Variants in VPS53 observed in about 807,000 individuals in gnomAD.
The protein encoded by VPS53 is vacuolar protein sorting-associated protein 53 homolog.
VPS53 carries 70 observed loss-of-function variants against 107.0 expected under a neutral mutation model. That is an observed-to-expected ratio of 0.65 (90% CI 0.54 to 0.80). The LOEUF is 0.80. VPS53 is among the 30% of genes least tolerant of loss of function. The probability of loss-of-function intolerance (pLI) is 0.00; values close to 1 mark genes in which losing one functional copy is unlikely to be tolerated. For synonymous variants in VPS53, 409 were observed against 393.3 expected (o/e 1.04, Z -0.47); for missense variants, 917 against 1,049.4 (o/e 0.87, Z 1.74).
In VPS53 at chr17:510,855, C is replaced by G. The variant is rs1907902473; in HGVS notation, c.*8273G>C. Reference sequence around the variant, plus strand: ...CTCTGGCCTCCGAGCTAGCCAGCTGCTGATCCAAAGCTCTGGATCCTTTAG... The same window carrying G: ...CTCTGGCCTCCGAGCTAGCCAGCTGGTGATCCAAAGCTCTGGATCCTTTAG... On this transcript the variant is annotated 3_prime_UTR_variant, in exon 22 of 22. Coordinates refer to ENST00000437048, the MANE Select transcript of VPS53 (RefSeq NM_001128159.3). The G allele has an allele frequency of 6.6e-6, 1 of 152,656 alleles. No individual in the cohort carries two copies. The highest frequency in any genetic ancestry group is 6.5e-5 in the Admixed American group (1 of 15,276). The allele number at this position is 152,656 out of a possible 1,614,324, so 9.5% of individuals were successfully genotyped here.
intron 17 of VPS53, among the ~76,000 whole-genome samples, chr17:541,240 A>G (rs1910614830): frequency 6.6e-6 from 1 of 152,336 alleles, no homozygotes; most frequent in African/African-American, 2.4e-5. Flanking sequence ...AGCATCTGCT[A>G]TATTTATAGG....
intron 19 of VPS53, among the ~76,000 whole-genome samples, chr17:525,677 G>C (rs1460523033): frequency 2.0e-5 from 3 of 151,692 alleles, no homozygotes; most frequent in East Asian, 3.9e-4. Context: ...CTGGGAGACA[G>C]AGTGGGACCC....
intron 5 of VPS53, chr17:657,679 T>C (rs1971247678): frequency 1.8e-6 from 1 of 554,052 alleles, no homozygotes; most frequent in Admixed American, 3.0e-5. Context: ...CAAACACAAA[T>C]ACTGTAGTCA....
At chr17:547,694 G>A (rs953503521) in intron 17 of VPS53, among the ~76,000 whole-genome samples, 2 of 152,168 alleles carry the variant, frequency 1.3e-5, no homozygotes, top group African/African-American at 4.8e-5. Flanking sequence ...CTGGAGTGCA[G>A]TGCTGCAATC....
chr17:667,496 G>T lies in VPS53; in HGVS notation c.286-5601C>A, dbSNP rs1016322542. Among the ~76,000 whole-genome samples the T allele has an allele frequency of 3.6e-4, 36 of 99,898 alleles. 1 individual carries two copies. Among genetic ancestry groups the T allele is most frequent in the African/African-American group, 1.9e-3 (36 of 18,718 alleles). The allele number at this position is 99,898 out of a possible 152,430, so 65.5% of individuals were successfully genotyped here. On this transcript the variant is annotated intron_variant, in intron 4 of 21. Transcript: ENST00000437048. ...GGACTGTTTTAAACATAATGTTCTG[G>T]GGGGGGCAATGGGTTAATTACAGAA...
intron 10 of VPS53, among the ~76,000 whole-genome samples, chr17:626,935 T>C (rs1002128789): frequency 1.3e-5 from 2 of 151,872 alleles, no homozygotes; most frequent in African/African-American, 4.8e-5. Flanking sequence ...AAGCCTTGAG[T>C]TGGTGGAGAA....
At chr17:570,962 T>C (rs1390122452) in intron 13 of VPS53, among the ~76,000 whole-genome samples, 2 of 152,120 alleles carry the variant, frequency 1.3e-5, no homozygotes, top group Admixed American at 6.5e-5. Context: ...CTAAGAAATA[T>C]ATATTGAAGT....
intron 4 of VPS53, among the ~76,000 whole-genome samples, chr17:675,883 C>A (rs766157204): frequency 2.0e-5 from 3 of 151,880 alleles, no homozygotes; most frequent in Non-Finnish European, 4.4e-5. Flanking sequence ...TGCCTAACAT[C>A]CATATTCCAG....
intron 7 of VPS53, among the ~76,000 whole-genome samples, chr17:639,580 C>G (rs983743602): frequency 9.9e-5 from 15 of 152,150 alleles, no homozygotes; most frequent in African/African-American, 3.6e-4. Context: ...TGGTGACGTA[C>G]AGATGGGGTT....
At chr17:686,336 A>G (rs1228932148) in intron 4 of VPS53, among the ~76,000 whole-genome samples, 2 of 152,126 alleles carry the variant, frequency 1.3e-5, no homozygotes, top group Non-Finnish European at 2.9e-5. Context: ...GAAAAAAAAG[A>G]AGAATTTGGA....
chr17:609,477 T>C (rs1597376741), intron 11 of VPS53, among the ~76,000 whole-genome samples: 1 of 152,140 alleles, frequency 6.6e-6, no homozygotes, highest in Non-Finnish European at 1.5e-5. Context: ...TGTTTTTAAT[T>C]CCCTTGGGCA....
At chr17:609,778 G>A (rs889516184) in intron 11 of VPS53, among the ~76,000 whole-genome samples, 37 of 152,214 alleles carry the variant, frequency 2.4e-4, no homozygotes, top group Admixed American at 1.7e-3. Flanking sequence ...AAGAGACAGC[G>A]AAGAGGAGAG....
intron 7 of VPS53, among the ~76,000 whole-genome samples, chr17:650,264 G>A (rs2143460643): frequency 6.6e-6 from 1 of 152,294 alleles, no homozygotes; most frequent in African/African-American, 2.4e-5. Flanking sequence ...GGAGGATGAG[G>A]CAGGAGGATC....
At chr17:656,082 C>T in intron 5 of VPS53, 129 bp from the exon 6 acceptor site, 1 of 633,160 alleles carries the variant, frequency 1.6e-6, no homozygotes, top group Non-Finnish European at 2.6e-6. Context: ...CAAACATTCT[C>T]ACAATACAAA....
intron 2 of VPS53, among the ~76,000 whole-genome samples, chr17:704,475 G>C (rs1426391496): frequency 1.3e-5 from 2 of 152,210 alleles, no homozygotes; most frequent in African/African-American, 2.4e-5. Flanking sequence ...GGAGGTCCAT[G>C]AGGTATACAG....
intron 13 of VPS53, among the ~76,000 whole-genome samples, chr17:581,417 A>C (rs1042385221): frequency 3.1e-4 from 47 of 151,036 alleles, no homozygotes; most frequent in Non-Finnish European, 3.5e-4. Context: ...TCAGAACCTA[A>C]TGCATTCCCA....
chr17:662,611 C>T (rs373266839), intron 4 of VPS53, among the ~76,000 whole-genome samples: 3 of 151,970 alleles, frequency 2.0e-5, no homozygotes, highest in South Asian at 4.2e-4. Flanking sequence ...ATTGCTTGAA[C>T]CCGGGAGGCA....
chr17:542,477 T>C (rs191417688), intron 17 of VPS53, among the ~76,000 whole-genome samples: 1 of 152,182 alleles, frequency 6.6e-6, no homozygotes, highest in African/African-American at 2.4e-5. Context: ...CTATAATCTA[T>C]TACTGAAAGA....
chr17:578,584 T>G (rs375096483), intron 13 of VPS53, among the ~76,000 whole-genome samples: 5 of 138,040 alleles, frequency 3.6e-5, no homozygotes, highest in African/African-American at 1.4e-4. Context: ...CCTCAGAACC[T>G]CAGTGCGTTC....
Sources: gnomAD v4.1 joint callset for allele counts (sites outside exome capture counted in the v4.1 genomes callset) on GRCh38, gnomAD v4.1.1 for gene constraint, MANE v1.5 for transcripts, NCBI Gene and HGNC (gene_info 2026-07-23, HGNC 2026-07-21) for gene names.